The following JMJD1C variants were observed in gnomAD, a reference collection of about 807,000 sequenced individuals.
JMJD1C encodes jumonji domain-containing protein 1C.
A neutral mutation model predicts 245.3 loss-of-function variants in JMJD1C; 31 were observed. The observed-to-expected ratio is 0.13, with a 90% CI of 0.09 to 0.17. The LOEUF (loss-of-function observed/expected upper bound fraction) is 0.17, where lower values mean the gene tolerates loss of function less well. Among genes scored for constraint, JMJD1C ranks in the 10% least tolerant of loss-of-function variants. The probability of loss-of-function intolerance (pLI) is 1.00; values close to 1 mark genes in which losing one functional copy is unlikely to be tolerated. For missense variants in JMJD1C, 2,691 were observed against 3,000.2 expected, an observed-to-expected ratio of 0.90 and a Z score of 2.41; for synonymous variants, 1,057 against 1,017.4, an observed-to-expected ratio of 1.04 and a Z score of -0.74.
chr10:63,299,660 A>T (rs1475417949), intron 2 of JMJD1C, among the ~76,000 whole-genome samples: 1 of 152,176 alleles, frequency 6.6e-6, no homozygotes, highest in Admixed American at 6.5e-5. Flanking sequence ...TAGTTTTTGT[A>T]TAAAAAAACT....
intron 10 of JMJD1C, chr10:63,202,195 A>C: frequency 1.8e-6 from 1 of 557,204 alleles, no homozygotes; most frequent in Non-Finnish European, 2.3e-6. Context: ...CGGAAGTTGC[A>C]GTGGGGTGAG....
At chr10:63,223,505 G>A (rs1457527161) in intron 3 of JMJD1C, among the ~76,000 whole-genome samples, 2 of 152,044 alleles carry the variant, frequency 1.3e-5, no homozygotes, top group South Asian at 2.1e-4. Context: ...AGGGATTACA[G>A]GCATGAGCCA....
chr10:63,335,029 AAT>A (rs1376252943), intron 2 of JMJD1C, among the ~76,000 whole-genome samples: 8 of 146,102 alleles, frequency 5.5e-5, no homozygotes, highest in African/African-American at 1.1e-4. Context: ...TTTGGAAAAA[AAT>A]AAAAAAAAAA....
chr10:63,349,100 CAAAAAAAA>C (rs71463516), intron 2 of JMJD1C, among the ~76,000 whole-genome samples: 4 of 34,872 alleles, frequency 1.1e-4, no homozygotes, highest in South Asian at 2.4e-3. Context: ...GACTCTGTCT[CAAAAAAAA>C]AAAAAAAAAA....
chr10:63,263,990 A>T (rs1036659748), intron 3 of JMJD1C, among the ~76,000 whole-genome samples: 3 of 149,032 alleles, frequency 2.0e-5, no homozygotes, highest in African/African-American at 2.5e-5. Context: ...ACACACACAC[A>T]CACACACACA....
At position 63,260,926 on chromosome 10, in the gene JMJD1C, A is replaced by G. The variant is rs1854642878; in HGVS notation, c.447+3725T>C. ...CTATTAAAAGTACCTTTAAGAAGCA[A>G]TAATTTATTTTCTCCTCCTTCTTCC... On this transcript the variant is annotated intron_variant, in intron 3 of 25. Transcript: ENST00000399262. 2.6e-5 allele frequency among the ~76,000 whole-genome samples: 4 copies of G among 152,216 alleles called. No homozygotes were observed. The South Asian group carries it at 6.2e-4, about 24-fold the overall frequency.
At chr10:63,374,388 T>A (rs1011669105) in intron 2 of JMJD1C, among the ~76,000 whole-genome samples, 9 of 152,220 alleles carry the variant, frequency 5.9e-5, no homozygotes, top group Non-Finnish European at 2.9e-5. Flanking sequence ...CCTCCTGTTT[T>A]GGCCAAATAT....
chr10:63,173,675 C>T (rs146116568), intron 24 of JMJD1C, among the ~76,000 whole-genome samples: 63 of 152,062 alleles, frequency 4.1e-4, no homozygotes, highest in South Asian at 8.3e-4. Context: ...TGAGCTATGA[C>T]TGTGCCACTG....
intron 2 of JMJD1C, chr10:63,268,774 T>G: frequency 1.0e-6 from 1 of 984,832 alleles, no homozygotes; most frequent in Non-Finnish European, 1.2e-6. Flanking sequence ...GAGTATCTAG[T>G]GTAAATACTT....
chr10:63,393,755 T>C (rs1948259741), intron 1 of JMJD1C, among the ~76,000 whole-genome samples: 1 of 152,216 alleles, frequency 6.6e-6, no homozygotes, highest in African/African-American at 2.4e-5. Flanking sequence ...ATGTGGAATT[T>C]ATATACAAAT....
chr10:63,428,006 C>A, intron 1 of JMJD1C: 2 of 667,418 alleles, frequency 3.0e-6, no homozygotes, highest in Non-Finnish European at 5.5e-6. Flanking sequence ...CCCCTCTGTG[C>A]TGTCCACTGT....
chr10:63,321,327 GC>G (rs1427898031), intron 2 of JMJD1C, among the ~76,000 whole-genome samples: 16 of 152,344 alleles, frequency 1.1e-4, no homozygotes, highest in African/African-American at 3.6e-4. Context: ...GAATTTTATA[GC>G]TGCTCAGTCA....
At chr10:63,245,393 C>G (rs1852062457) in intron 3 of JMJD1C, among the ~76,000 whole-genome samples, 1 of 146,636 alleles carries the variant, frequency 6.8e-6, no homozygotes, top group Admixed American at 6.9e-5. Flanking sequence ...GGAGGCCTCA[C>G]AATTATGGCA....
rs897028086 is a variant in JMJD1C, at chr10:63,402,312, G to A, written c.169-21830C>T. On this transcript the variant is annotated intron_variant, in intron 1 of 25. Coordinates refer to ENST00000399262, the MANE Select transcript of JMJD1C (RefSeq NM_032776.3). Reference sequence around the variant, plus strand: ...AAAATGAGAAAGTAAGTACATTTACGAAGAATACTTGTAACATTTCGTTAA... The same window carrying A: ...AAAATGAGAAAGTAAGTACATTTACAAAGAATACTTGTAACATTTCGTTAA... 5.3e-5 allele frequency among the ~76,000 whole-genome samples: 8 copies of A among 151,972 alleles called. No individual in the cohort carries two copies. In the South Asian group the frequency reaches 6.2e-4, roughly 12 times the overall value.
At chr10:63,502,986 A>G (rs1193694252) in intron 1 of JMJD1C, among the ~76,000 whole-genome samples, 2 of 152,184 alleles carry the variant, frequency 1.3e-5, no homozygotes, top group African/African-American at 4.8e-5. Flanking sequence ...ATGATCTTCA[A>G]AATAACTCCT....
intron 1 of JMJD1C, among the ~76,000 whole-genome samples, chr10:63,484,050 A>G (rs1953906262): frequency 6.6e-6 from 1 of 152,238 alleles, no homozygotes; most frequent in Non-Finnish European, 1.5e-5. Flanking sequence ...CTAAGAAAGA[A>G]TAACATGCCT....
intron 1 of JMJD1C, among the ~76,000 whole-genome samples, chr10:63,431,956 G>A (rs537195685): frequency 5.9e-5 from 9 of 152,180 alleles, no homozygotes; most frequent in African/African-American, 7.2e-5. Flanking sequence ...GGGTTGCGGT[G>A]AGCCAAGATG....
chr10:63,211,294 G>A (rs868056775), intron 8 of JMJD1C, among the ~76,000 whole-genome samples: 2 of 151,762 alleles, frequency 1.3e-5, no homozygotes, highest in South Asian at 4.1e-4. Context: ...GTGAAACCTC[G>A]TTTCTACTAA....
In JMJD1C at chr10:63,336,554, C is replaced by T. The variant is rs577189206; in HGVS notation, c.333+43764G>A. Among the ~76,000 whole-genome samples, 8 of 152,218 alleles carry T rather than the reference C, an allele frequency of 5.3e-5. No individual in the cohort carries two copies. The South Asian group carries it at 1.5e-3, about 28-fold the overall frequency. ...AGTTTCCACATCACGATCCCTAAAGCTATTTCCTAGGATACTTTAAAATCT... is the reference window on the plus strand; with the variant it reads ...AGTTTCCACATCACGATCCCTAAAGTTATTTCCTAGGATACTTTAAAATCT... On this transcript the variant is annotated intron_variant, in intron 2 of 25. Coordinates refer to ENST00000399262, the MANE Select transcript of JMJD1C (RefSeq NM_032776.3).
Sources: gnomAD v4.1 joint callset for allele counts (sites outside exome capture counted in the v4.1 genomes callset) on GRCh38, gnomAD v4.1.1 for gene constraint, MANE v1.5 for transcripts, NCBI Gene and HGNC (gene_info 2026-07-23, HGNC 2026-07-21) for gene names.